ADCY2: variants seen among roughly 807,000 people sequenced by gnomAD.
ADCY2 encodes the protein adenylate cyclase type 2.
In ADCY2, 31 loss-of-function variants were observed where a neutral mutation model predicts 125.2. That is an observed-to-expected ratio of 0.25 (90% CI 0.19 to 0.33). The LOEUF (loss-of-function observed/expected upper bound fraction) is 0.33. Ranked by LOEUF, ADCY2 falls within the 10% of genes least tolerant of loss-of-function variation. The pLI, the probability that ADCY2 is intolerant of heterozygous loss-of-function variation, is 1.00. For synonymous variants in ADCY2, 512 were observed against 548.4 expected, an observed-to-expected ratio of 0.93 and a Z score of 0.93; for missense variants, 904 against 1,418.2, an observed-to-expected ratio of 0.64 and a Z score of 5.82.
chr5:7,564,423 G>T (rs1453448249), intron 3 of ADCY2, among the ~76,000 whole-genome samples: 2 of 152,122 alleles, frequency 1.3e-5, no homozygotes, highest in African/African-American at 4.8e-5. Flanking sequence ...AGGGTTTCCA[G>T]CATGCTGGGC....
chr5:7,457,655 G>A (rs1741740003), intron 2 of ADCY2, among the ~76,000 whole-genome samples: 1 of 152,148 alleles, frequency 6.6e-6, no homozygotes, highest in Non-Finnish European at 1.5e-5. Context: ...TAACGTTTTT[G>A]CACACAGTTG....
chr5:7,720,993 A>T (rs931261507), intron 12 of ADCY2, among the ~76,000 whole-genome samples: 1 of 152,186 alleles, frequency 6.6e-6, no homozygotes, highest in Non-Finnish European at 1.5e-5. Context: ...CAATGGTTGA[A>T]CTAGTTTACA....
At chr5:7,525,071 C>G (rs563262434) in intron 3 of ADCY2, among the ~76,000 whole-genome samples, 33 of 152,064 alleles carry the variant, frequency 2.2e-4, no homozygotes, top group African/African-American at 8.0e-4. Flanking sequence ...GGTGTAATCT[C>G]GGCCTGCTGC....
chr5:7,748,214 G>A (rs545253262), intron 15 of ADCY2, among the ~76,000 whole-genome samples: 1 of 152,288 alleles, frequency 6.6e-6, no homozygotes, highest in African/African-American at 2.4e-5. Context: ...CTTAGCAGGA[G>A]GGCGGGTTCT....
intron 4 of ADCY2, among the ~76,000 whole-genome samples, chr5:7,653,330 A>G (rs1487354982): frequency 1.3e-5 from 2 of 152,170 alleles, no homozygotes; most frequent in East Asian, 3.9e-4. Context: ...TGAGACTTTG[A>G]AGATGTAAAA....
At chr5:7,526,507 G>A (rs184289459) in intron 3 of ADCY2, among the ~76,000 whole-genome samples, 12 of 152,232 alleles carry the variant, frequency 7.9e-5, no homozygotes, top group Admixed American at 5.9e-4. Context: ...TAAGGTTGGA[G>A]GTGAGGGCTA....
chr5:7,426,716 ATT>A (rs1740401063), intron 2 of ADCY2, among the ~76,000 whole-genome samples: 1 of 152,060 alleles, frequency 6.6e-6, no homozygotes, highest in Non-Finnish European at 1.5e-5. Flanking sequence ...AGATGTTGGT[ATT>A]TCTCTCTGCT....
At chr5:7,435,723 C>T (rs1226449438) in intron 2 of ADCY2, among the ~76,000 whole-genome samples, 4 of 152,306 alleles carry the variant, frequency 2.6e-5, no homozygotes, top group Middle Eastern at 3.4e-3. Context: ...ACATTGTCCA[C>T]GTGTGTCAAT....
At chr5:7,650,649 T>G (rs1448784962) in intron 4 of ADCY2, among the ~76,000 whole-genome samples, 6 of 152,180 alleles carry the variant, frequency 3.9e-5, no homozygotes, top group Non-Finnish European at 8.8e-5. Context: ...TTGCGATTTC[T>G]GTATGTTCCA....
At chr5:7,411,753 C>G (rs1279152148) in intron 1 of ADCY2, among the ~76,000 whole-genome samples, 2 of 152,178 alleles carry the variant, frequency 1.3e-5, no homozygotes, top group African/African-American at 2.4e-5. Flanking sequence ...GACACTGGGT[C>G]TCTGTCTTGT....
At chr5:7,640,664 A>G (rs879304269) in intron 4 of ADCY2, among the ~76,000 whole-genome samples, 26 of 151,386 alleles carry the variant, frequency 1.7e-4, no homozygotes, top group Non-Finnish European at 2.9e-5. Flanking sequence ...CTTTGGTAAC[A>G]TTATTTTTTT....
intron 2 of ADCY2, among the ~76,000 whole-genome samples, chr5:7,475,412 A>C (rs146170522): frequency 0.023 from 3,470 of 149,328 alleles, 131 homozygotes; most frequent in African/African-American, 0.08. Flanking sequence ...ATAGAGTTTC[A>C]CTCTTGTTGC....
intron 4 of ADCY2, among the ~76,000 whole-genome samples, chr5:7,680,898 G>A (rs963532473): frequency 1.3e-5 from 2 of 152,108 alleles, no homozygotes; most frequent in Non-Finnish European, 2.9e-5. Context: ...AAGAAAATCT[G>A]CATTCTAATT....
chr5:7,666,972 G>C (rs1739778597), intron 4 of ADCY2, among the ~76,000 whole-genome samples: 1 of 152,294 alleles, frequency 6.6e-6, no homozygotes, highest in South Asian at 2.1e-4. Flanking sequence ...ACTCCTCAGG[G>C]ATGGGTTGTG....
At chr5:7,770,578 G>A (rs969239573) in intron 17 of ADCY2, among the ~76,000 whole-genome samples, 8 of 152,054 alleles carry the variant, frequency 5.3e-5, no homozygotes, top group South Asian at 4.2e-4. Flanking sequence ...CTTAATCTTC[G>A]TGAGAATTCT....
At chr5:7,626,516 GA>G (rs1738132892) in intron 4 of ADCY2, among the ~76,000 whole-genome samples, 200 bp downstream of exon 4, 2 of 152,164 alleles carry the variant, frequency 1.3e-5, no homozygotes, top group African/African-American at 4.8e-5. Flanking sequence ...AATTTACCAA[GA>G]AAAGAGGTTT....
chr5:7,825,143 A>G (rs1043042420), intron 24 of ADCY2, among the ~76,000 whole-genome samples: 5 of 139,460 alleles, frequency 3.6e-5, no homozygotes, highest in African/African-American at 6.3e-5. Context: ...TGTGTCCCAT[A>G]ATAACGCTGC....
intron 20 of ADCY2, chr5:7,801,365 C>A (rs1255934133): frequency 1.3e-5 from 2 of 152,226 alleles, no homozygotes; most frequent in Non-Finnish European, 2.9e-5. Flanking sequence ...CTCTCCTCAC[C>A]TTTCCTGGAG....
chr5:7,737,832 CAG>C (rs1390241267), intron 14 of ADCY2, among the ~76,000 whole-genome samples: 1 of 152,136 alleles, frequency 6.6e-6, no homozygotes, highest in East Asian at 1.9e-4. Context: ...GGATCAATGA[CAG>C]AATAAATGGC....
Sources: allele counts gnomAD v4.1 joint callset (sites outside exome capture counted in the v4.1 genomes callset), GRCh38; gene constraint gnomAD v4.1.1; transcripts MANE v1.5; gene names NCBI Gene and HGNC (gene_info 2026-07-23, HGNC 2026-07-21).